SLC14A1: variants seen among roughly 807,000 people sequenced by gnomAD.
SLC14A1 encodes urea transporter 1.
SLC14A1 carries 36 observed loss-of-function variants against 39.6 expected under a neutral mutation model. That is an observed-to-expected ratio of 0.91 (90% CI 0.70 to 1.20). SLC14A1 has a LOEUF of 1.20. Among genes scored for constraint, SLC14A1 ranks in the 50% most tolerant of loss-of-function variants. The pLI is 0.00. For synonymous variants in SLC14A1, 164 were observed against 173.6 expected (o/e 0.94, Z 0.43); for missense variants, 469 against 478.7 (o/e 0.98, Z 0.19).
At position 45,727,157 on chromosome 18, in the gene SLC14A1, G is replaced by A. The variant is rs948373781; in HGVS notation, c.-22+2144G>A. The A allele has an allele frequency of 5.7e-5, 62 of 1,086,714 alleles. No individual in the cohort carries two copies. In the East Asian group the frequency reaches 1.6e-3, roughly 28 times the overall value. 67.3% of individuals were successfully genotyped at this position (1,086,714 alleles called of 1,614,324 possible). A position where few individuals can be genotyped will look rare whatever the true frequency, so the allele number is the denominator to read the frequency against. Reference sequence around the variant, plus strand: ...CACATCTTCCCTCACCAGGAACCCAGTGGGCGCGCTCCAGCCCCCCTCAGC... The same window carrying A: ...CACATCTTCCCTCACCAGGAACCCAATGGGCGCGCTCCAGCCCCCCTCAGC... On this transcript the variant is annotated intron_variant, in intron 2 of 9. Coordinates refer to ENST00000321925, the MANE Select transcript of SLC14A1 (RefSeq NM_015865.7).
chr18:45,749,215 C>T (rs995436726), intron 9 of SLC14A1, among the ~76,000 whole-genome samples: 3 of 152,098 alleles, frequency 2.0e-5, no homozygotes, highest in Non-Finnish European at 4.4e-5. Flanking sequence ...CATCACACCC[C>T]AGGGAGGTCC....
At chr18:45,749,143 GT>G (rs11302950) in intron 9 of SLC14A1, among the ~76,000 whole-genome samples, 70,194 of 151,112 alleles carry the variant, frequency 0.46, 17,333 homozygotes, top group Non-Finnish European at 0.56. Context: ...GAACATCTGT[GT>G]TTTTTTTTAA....
At chr18:45,738,599 G>T (rs183482617) in intron 6 of SLC14A1, among the ~76,000 whole-genome samples, 32 of 152,314 alleles carry the variant, frequency 2.1e-4, no homozygotes, top group African/African-American at 7.7e-4. Context: ...CTTAATGACA[G>T]AAAAGTAAAT....
chr18:45,739,095 T>C (rs473429), intron 6 of SLC14A1, 68 bp from the exon 7 acceptor site: 682,497 of 1,518,262 alleles, frequency 0.45, 154,882 homozygotes, highest in South Asian at 0.55. Context: ...TGTAGGAGTT[T>C]GTGGGTGTCC....
intron 4 of SLC14A1, among the ~76,000 whole-genome samples, chr18:45,733,569 G>A (rs914175742): frequency 4.6e-5 from 7 of 152,110 alleles, no homozygotes; most frequent in African/African-American, 1.2e-4. Flanking sequence ...TGCTAAAAGC[G>A]CTCTTCAAGT....
Position 45,750,641 on chromosome 18 carries a change from G to A in SLC14A1, c.*690G>A. ...ATTCTGTATTGCAACTTTTCTCAGA[G>A]ATTGCAAAGGATTTTTTAGGTAGAG... On this transcript the variant is annotated 3_prime_UTR_variant, in exon 10 of 10. Transcript: ENST00000321925. 1.0e-6 allele frequency: 1 copy of A among 985,750 alleles called. No individual in the cohort carries two copies. Among genetic ancestry groups the A allele is most frequent in the Non-Finnish European group, 1.2e-6 (1 of 830,176 alleles). 61.1% of individuals were successfully genotyped at this position (985,750 alleles called of 1,614,324 possible).
Position 45,736,627 on chromosome 18 carries a change from G to T in SLC14A1, c.642G>T (p.Trp214Cys). ...IPITTAPNIS[W>C]SDLSALELLK... ...TAACTACAGCTCCAAATATCTCCTG[G>T]TCTGACCTCAGTGCCCTGGAGGTAA... Residue 214 changes from tryptophan to cysteine, a missense_variant, in exon 6 of 10, where the codon TGG becomes TGT. Trp to Cys is a radical substitution (Grantham distance 215, BLOSUM62 -2). Transcript: ENST00000321925. 1 of 1,614,032 alleles carries T rather than the reference G, an allele frequency of 6.2e-7. No homozygotes were observed. The highest frequency in any genetic ancestry group is 8.5e-7 in the Non-Finnish European group (1 of 1,179,996).
intron 1 of SLC14A1, among the ~76,000 whole-genome samples, chr18:45,724,552 G>A (rs2046812138): frequency 6.6e-6 from 1 of 152,222 alleles, no homozygotes; most frequent in African/African-American, 2.4e-5. Context: ...GCAGGGAGGT[G>A]TCCACCCAAT....
intron 8 of SLC14A1, among the ~76,000 whole-genome samples, chr18:45,744,712 A>T (rs1189867393): frequency 6.6e-6 from 1 of 152,190 alleles, no homozygotes; most frequent in Non-Finnish European, 1.5e-5. Flanking sequence ...AATTCTGGAA[A>T]CATCATCAGT....
At chr18:45,737,503 G>A (rs1267371667) in intron 6 of SLC14A1, 3 of 152,140 alleles carry the variant, frequency 2.0e-5, no homozygotes, top group Non-Finnish European at 2.9e-5. Context: ...GTTATGAAAC[G>A]CCCTTTTGTC....
At position 45,752,091 on chromosome 18, in the gene SLC14A1, C is replaced by A; in HGVS notation, c.*2140C>A. 1.0e-6 allele frequency: 1 copy of A among 985,384 alleles called. No individual in the cohort carries two copies. Among genetic ancestry groups the A allele is most frequent in the Non-Finnish European group, 1.2e-6 (1 of 829,934 alleles). The allele number at this position is 985,384 out of a possible 1,614,324, so 61.0% of individuals were successfully genotyped here. ...AACCCAGTGACCAAAGCCTTTGGAA[C>A]TATGAATTTGCAACTGTCATAGGTT... On this transcript the variant is annotated 3_prime_UTR_variant, in exon 10 of 10. Coordinates refer to ENST00000321925, the MANE Select transcript of SLC14A1 (RefSeq NM_015865.7).
At chr18:45,727,785 T>G (rs2046916230) in intron 2 of SLC14A1, among the ~76,000 whole-genome samples, 1 of 152,268 alleles carries the variant, frequency 6.6e-6, no homozygotes, top group Non-Finnish European at 1.5e-5. Flanking sequence ...TGCATAGCCT[T>G]GCCTTGTCTT....
intron 9 of SLC14A1, among the ~76,000 whole-genome samples, chr18:45,749,226 A>G (rs905914234): frequency 2.6e-5 from 4 of 152,134 alleles, no homozygotes; most frequent in African/African-American, 9.7e-5. Flanking sequence ...AGGGAGGTCC[A>G]TGCATCAGGT....
chr18:45,744,413 G>T (rs2047484912), intron 8 of SLC14A1, among the ~76,000 whole-genome samples: 1 of 152,076 alleles, frequency 6.6e-6, no homozygotes, highest in Admixed American at 6.5e-5. Context: ...TTTTAGTTTA[G>T]CTAGCTACCA....
chr18:45,731,608 G>A (rs1290734510), intron 4 of SLC14A1: 1 of 322,620 alleles, frequency 3.1e-6, no homozygotes, highest in Non-Finnish European at 6.0e-6. Flanking sequence ...GCTATGATGA[G>A]TTTAGGAAAC....
chr18:45,728,514 T>C (rs1195635104), intron 2 of SLC14A1, among the ~76,000 whole-genome samples: 1 of 152,190 alleles, frequency 6.6e-6, no homozygotes, highest in Admixed American at 6.5e-5. Flanking sequence ...TAAGTTGGTA[T>C]GGCTTTGAAA....
intron 2 of SLC14A1, among the ~76,000 whole-genome samples, chr18:45,725,400 C>G (rs369482875): frequency 2.6e-5 from 4 of 152,146 alleles, no homozygotes; most frequent in Non-Finnish European, 4.4e-5. Context: ...CACACATAAG[C>G]CTTGCTGTAG....
chr18:45,748,396 G>T lies in SLC14A1; in HGVS notation c.967G>T (p.Gly323Ter), dbSNP rs769240583. ...LGCALFTAYL[G>*]VGMANFMAEV... ...TGTAGCCCTGTTCACGGCCTATCTT[G>T]GAGTCGGCATGGCAAACTTTATGGC... The change falls in exon 9 of 10, where the codon GGA becomes TGA. Residue 323 changes from glycine to a stop codon, truncating the protein, a stop_gained. Coordinates refer to ENST00000321925, the MANE Select transcript of SLC14A1 (RefSeq NM_015865.7). LOFTEE classifies it high-confidence loss of function. 6.2e-7 allele frequency: 1 copy of T among 1,613,940 alleles called. No individual in the cohort carries two copies. The highest frequency in any genetic ancestry group is 8.5e-7 in the Non-Finnish European group (1 of 1,179,972).
intron 5 of SLC14A1, among the ~76,000 whole-genome samples, chr18:45,735,024 G>A (rs935879559): frequency 3.9e-5 from 6 of 152,162 alleles, no homozygotes; most frequent in Non-Finnish European, 8.8e-5. Flanking sequence ...CATGGGGAAG[G>A]GAAACAGTGC....
Sources: gnomAD v4.1 joint callset for allele counts (sites outside exome capture counted in the v4.1 genomes callset) on GRCh38, gnomAD v4.1.1 for gene constraint, MANE v1.5 for transcripts, NCBI Gene and HGNC (gene_info 2026-07-23, HGNC 2026-07-21) for gene names.